MKX: variants seen among roughly 807,000 people sequenced by gnomAD.
The protein encoded by MKX is mohawk homeobox.
MKX carries 13 observed loss-of-function variants against 36.0 expected under a neutral mutation model. The observed-to-expected ratio is 0.36, with a 90% CI of 0.24 to 0.57. The LOEUF (loss-of-function observed/expected upper bound fraction) is 0.57. Among genes scored for constraint, MKX ranks in the 20% least tolerant of loss-of-function variants. The pLI is 0.79. For missense variants in MKX, 458 were observed against 456.4 expected (o/e 1.00, Z -0.03); for synonymous variants, 176 against 178.3 (o/e 0.99, Z 0.10).
At position 27,700,930 on chromosome 10, in the gene MKX, A is replaced by T. The variant is rs557699040; in HGVS notation, c.839-25376T>A. ...CTGACTCCTGTTCTGTAATTTTTTT[A>T]AAAAATTTTAATTTTTGTGGGTACA... On this transcript the variant is annotated intron_variant, in intron 5 of 6. Transcript: ENST00000419761. 1.6e-4 allele frequency among the ~76,000 whole-genome samples: 25 copies of T among 152,232 alleles called. 1 individual carries two copies. The highest frequency in any genetic ancestry group is 7.7e-4 in the East Asian group (4 of 5,178).
chr10:27,724,608 T>G (rs1834447390), intron 5 of MKX, among the ~76,000 whole-genome samples: 1 of 152,114 alleles, frequency 6.6e-6, no homozygotes, highest in African/African-American at 2.4e-5. Flanking sequence ...TGGGTTGTCA[T>G]CCCTCAAATT....
chr10:27,698,997 A>G (rs1836605782), intron 5 of MKX, among the ~76,000 whole-genome samples: 1 of 152,254 alleles, frequency 6.6e-6, no homozygotes, highest in East Asian at 1.9e-4. Flanking sequence ...AGTGTAAAAT[A>G]CCAGTCTTGA....
intron 5 of MKX, among the ~76,000 whole-genome samples, chr10:27,731,245 A>G (rs1303770106): frequency 6.6e-6 from 1 of 152,176 alleles, no homozygotes; most frequent in Non-Finnish European, 1.5e-5. Context: ...AAATCTTTGT[A>G]CTACTGTAGC....
At chr10:27,706,861 T>C (rs923596017) in intron 5 of MKX, among the ~76,000 whole-genome samples, 1 of 152,208 alleles carries the variant, frequency 6.6e-6, no homozygotes, top group African/African-American at 2.4e-5. Context: ...TGTAAGAATA[T>C]AATAACAGTT....
chr10:27,706,634 C>T (rs948463247), intron 5 of MKX, among the ~76,000 whole-genome samples: 1 of 151,554 alleles, frequency 6.6e-6, no homozygotes, highest in Non-Finnish European at 1.5e-5. Context: ...TAGTTTTCAT[C>T]TGCATTTCTC....
chr10:27,679,076 A>C (rs1445747047), intron 5 of MKX, among the ~76,000 whole-genome samples: 1 of 152,108 alleles, frequency 6.6e-6, no homozygotes, highest in African/African-American at 2.4e-5. Context: ...GTTCCTCTCC[A>C]ATAACAGAAA....
At chr10:27,711,592 T>C (rs193240333) in intron 5 of MKX, among the ~76,000 whole-genome samples, 4 of 150,806 alleles carry the variant, frequency 2.7e-5, no homozygotes, top group Admixed American at 2.6e-4. Flanking sequence ...TTCTTTTTTT[T>C]TCTGGGTCTT....
intron 5 of MKX, among the ~76,000 whole-genome samples, chr10:27,722,739 TA>T (rs1834407059): frequency 6.6e-6 from 1 of 152,226 alleles, no homozygotes; most frequent in African/African-American, 2.4e-5. Flanking sequence ...GTGGGGACTT[TA>T]CTATAATCAA....
chr10:27,699,240 A>G (rs1836609873), intron 5 of MKX, among the ~76,000 whole-genome samples: 1 of 151,732 alleles, frequency 6.6e-6, no homozygotes. Context: ...GTTCTCACTT[A>G]AAGTCCCACC....
Position 27,673,706 on chromosome 10 carries a change from C to T in MKX, c.*1523G>A, listed in dbSNP as rs1354883781. 2.6e-5 allele frequency: 4 copies of T among 152,216 alleles called. No individual in the cohort carries two copies. The highest frequency in any genetic ancestry group is 1.5e-5 in the Non-Finnish European group (1 of 67,948). 9.4% of individuals were successfully genotyped at this position (152,216 alleles called of 1,614,324 possible). A position where few individuals can be genotyped will look rare whatever the true frequency, so the allele number is the denominator to read the frequency against. ...TTCATTACACTAAATAAACCCAATC[C>T]CCAAATGTTATGTTACATGAAAAAG... is the stretch of plus-strand genomic sequence containing the variant. On this transcript the variant is annotated 3_prime_UTR_variant, in exon 7 of 7. Coordinates refer to ENST00000419761, the MANE Select transcript of MKX (RefSeq NM_173576.3).
chr10:27,734,675 G>A lies in MKX; in HGVS notation c.619C>T (p.Arg207Trp), dbSNP rs752902262. The A allele has an allele frequency of 1.8e-5, 29 of 1,613,968 alleles. 2 individuals carry two copies. Among genetic ancestry groups the A allele is most frequent in the South Asian group, 1.3e-4 (12 of 91,078 alleles). The change falls in exon 5 of 7, where the codon CGG becomes TGG. Residue 207 changes from arginine (R) to tryptophan (W), a missense_variant. Arg to Trp is a moderately radical substitution (Grantham distance 101, BLOSUM62 -3). Around this residue, in one of 3 missense-constraint regions of MKX, gnomAD observed 297 missense variants for 304.4 expected, o/e 0.98. Coordinates refer to ENST00000419761, the MANE Select transcript of MKX (RefSeq NM_173576.3). Reference protein sequence around the residue: ...VIKAGVRPESRASEDYVAPPK... With the variant: ...VIKAGVRPESWASEDYVAPPK... ...GGTGCCACGTAGTCCTCACTGGCCCGTGACTCTGGCCTCACTCCCGCTTTG... is the reference window on the plus strand; with the variant it reads ...GGTGCCACGTAGTCCTCACTGGCCCATGACTCTGGCCTCACTCCCGCTTTG...
intron 5 of MKX, among the ~76,000 whole-genome samples, chr10:27,680,645 C>T (rs980287038): frequency 7.2e-5 from 11 of 152,000 alleles, no homozygotes; most frequent in African/African-American, 2.7e-4. Context: ...GAGACCAAAA[C>T]GTGGCCAAAT....
intron 5 of MKX, among the ~76,000 whole-genome samples, chr10:27,693,705 A>C (rs117083220): frequency 0.014 from 2,141 of 152,336 alleles, 14 homozygotes; most frequent in Non-Finnish European, 0.022. Context: ...TTTAGTCACT[A>C]AAAGTTACTG....
chr10:27,731,878 C>T (rs907262870), intron 5 of MKX, among the ~76,000 whole-genome samples: 2 of 152,002 alleles, frequency 1.3e-5, no homozygotes, highest in Non-Finnish European at 2.9e-5. Context: ...GGGAAAATTG[C>T]GTAGGCATCT....
At chr10:27,702,593 T>C (rs1836677589) in intron 5 of MKX, among the ~76,000 whole-genome samples, 1 of 152,174 alleles carries the variant, frequency 6.6e-6, no homozygotes, top group African/African-American at 2.4e-5. Flanking sequence ...CAGGAGGCAG[T>C]GTTGTGTCTA....
At chr10:27,681,051 C>G (rs1836245348) in intron 5 of MKX, among the ~76,000 whole-genome samples, 1 of 152,178 alleles carries the variant, frequency 6.6e-6, no homozygotes, top group African/African-American at 2.4e-5. Flanking sequence ...CGACAGTGGC[C>G]CATAAGATTA....
chr10:27,742,709 A>G lies in MKX; in HGVS notation c.188+519T>C, dbSNP rs1456800857. Among the ~76,000 whole-genome samples the G allele has an allele frequency of 6.6e-6, 1 of 151,436 alleles. No homozygotes were observed. The highest frequency in any genetic ancestry group is 2.4e-5 in the African/African-American group (1 of 41,338). Reference sequence around the variant, plus strand: ...TCCGGGTTCGCCGCGGGCCCAGCCGAGCCGCGCTCACGCCCGGGACTCCCT... The same window carrying G: ...TCCGGGTTCGCCGCGGGCCCAGCCGGGCCGCGCTCACGCCCGGGACTCCCT... On this transcript the variant is annotated intron_variant, in intron 2 of 6. Coordinates refer to ENST00000419761, the MANE Select transcript of MKX (RefSeq NM_173576.3). This position sits in a 1 kb window ranked among gnomAD's most constrained non-coding sequence, Gnocchi z 4.2.
At chr10:27,705,242 C>T (rs1418728362) in intron 5 of MKX, among the ~76,000 whole-genome samples, 1 of 70,710 alleles carries the variant, frequency 1.4e-5, no homozygotes, top group Non-Finnish European at 3.0e-5. Flanking sequence ...TTGAATGCTA[C>T]ACAGCTGTAA....
At chr10:27,736,674 A>AT (rs34034802) in intron 3 of MKX, among the ~76,000 whole-genome samples, 2 of 151,970 alleles carry the variant, frequency 1.3e-5, no homozygotes, top group African/African-American at 4.8e-5. Context: ...ATAAATACAC[A>AT]TTTTTTGTGC....
Sources: allele counts gnomAD v4.1 joint callset (sites outside exome capture counted in the v4.1 genomes callset), GRCh38; gene constraint gnomAD v4.1.1; regional missense constraint gnomAD v4.1.1; non-coding constraint Gnocchi (gnomAD v3.1); transcripts MANE v1.5; gene names NCBI Gene and HGNC (gene_info 2026-07-23, HGNC 2026-07-21).